FGF14: variants seen among roughly 807,000 people sequenced by gnomAD.
The protein encoded by FGF14 is fibroblast growth factor 14, also known as fibroblast growth factor homologous factor 4.
In FGF14, 5 loss-of-function variants were observed where a neutral mutation model predicts 25.5. That is an observed-to-expected ratio of 0.20 (90% CI 0.10 to 0.41). The LOEUF (loss-of-function observed/expected upper bound fraction) is 0.41, where lower values mean the gene tolerates loss of function less well. Ranked by LOEUF, FGF14 falls within the 10% of genes least tolerant of loss-of-function variation. FGF14 has a pLI of 1.00. For missense variants in FGF14, 222 were observed against 320.1 expected, an observed-to-expected ratio of 0.69 and a Z score of 2.34; for synonymous variants, 138 against 118.3, an observed-to-expected ratio of 1.17 and a Z score of -1.08.
intron 1 of FGF14, among the ~76,000 whole-genome samples, chr13:102,236,280 G>C (rs1187825268): frequency 6.6e-6 from 1 of 152,148 alleles, no homozygotes; most frequent in Non-Finnish European, 1.5e-5. Context: ...TTGGGGTCTG[G>C]ATCAGGACCC....
At chr13:102,396,872 C>G (rs1206529169) in intron 1 of FGF14, among the ~76,000 whole-genome samples, 1 of 152,232 alleles carries the variant, frequency 6.6e-6, no homozygotes, top group Non-Finnish European at 1.5e-5. Context: ...TGGAGTGGCA[C>G]TGCTCTACAA....
intron 3 of FGF14, among the ~76,000 whole-genome samples, chr13:101,759,063 G>A (rs748476615): frequency 5.9e-5 from 9 of 152,178 alleles, no homozygotes; most frequent in Non-Finnish European, 1.2e-4. Flanking sequence ...TGAGTCAAGT[G>A]CAGAACAGAG....
At chr13:102,187,100 T>C (rs887770842) in intron 1 of FGF14, among the ~76,000 whole-genome samples, 2 of 152,200 alleles carry the variant, frequency 1.3e-5, no homozygotes, top group African/African-American at 2.4e-5. Flanking sequence ...CGGTTACATA[T>C]GGAGGACAAA....
intron 3 of FGF14, among the ~76,000 whole-genome samples, chr13:101,778,619 T>C (rs1291541719): frequency 6.6e-6 from 1 of 152,070 alleles, no homozygotes; most frequent in Non-Finnish European, 1.5e-5. Context: ...GGTCAAATGT[T>C]TGTCATTCTC....
chr13:102,308,814 A>G (rs1201595890), intron 1 of FGF14, among the ~76,000 whole-genome samples: 1 of 151,200 alleles, frequency 6.6e-6, no homozygotes, highest in African/African-American at 2.4e-5. Flanking sequence ...AAACAATAAG[A>G]CTGGAGTGGG....
Position 101,712,563 on chromosome 13 carries a change from TG to T in FGF14, c.*10267del, listed in dbSNP as rs977880109. The T allele has an allele frequency of 2.6e-5, 4 of 152,178 alleles. No individual in the cohort carries two copies. The highest frequency in any genetic ancestry group is 9.7e-5 in the African/African-American group (4 of 41,448). The allele number at this position is 152,178 out of a possible 1,614,324, so 9.4% of individuals were successfully genotyped here. On this transcript the variant is annotated 3_prime_UTR_variant, in exon 5 of 5. Transcript: ENST00000376143. ...ATCCTGGGTGTATATATGAATATTA[TG>T]GGCATATAAAATCAGCACTACTTTA...
intron 1 of FGF14, among the ~76,000 whole-genome samples, chr13:102,249,227 C>T (rs2052038118): frequency 6.6e-6 from 1 of 152,148 alleles, no homozygotes; most frequent in Non-Finnish European, 1.5e-5. Flanking sequence ...ATCCCTGTTA[C>T]TCCCTTACTT....
At chr13:101,773,292 G>A (rs1393746115) in intron 3 of FGF14, among the ~76,000 whole-genome samples, 1 of 152,136 alleles carries the variant, frequency 6.6e-6, no homozygotes. Flanking sequence ...TCACAGATGA[G>A]TAATCAGTTG....
intron 1 of FGF14, among the ~76,000 whole-genome samples, chr13:102,054,085 C>T (rs1314110974): frequency 6.6e-6 from 1 of 152,126 alleles, no homozygotes; most frequent in Non-Finnish European, 1.5e-5. Context: ...GATTTTGCAG[C>T]ATCCTTAGGA....
intron 1 of FGF14, among the ~76,000 whole-genome samples, chr13:101,988,329 G>A (rs972599061): frequency 1.3e-5 from 2 of 151,864 alleles, no homozygotes; most frequent in Non-Finnish European, 2.9e-5. Flanking sequence ...CAGGGAGAAG[G>A]AAAAAGGGGT....
At chr13:101,872,335 C>T (rs548421212) in intron 2 of FGF14, among the ~76,000 whole-genome samples, 1 of 150,210 alleles carries the variant, frequency 6.7e-6, no homozygotes, top group South Asian at 2.2e-4. Context: ...AACATGTTTC[C>T]ATTTTTTATA....
At chr13:102,311,354 T>C (rs2055756765) in intron 1 of FGF14, among the ~76,000 whole-genome samples, 1 of 152,158 alleles carries the variant, frequency 6.6e-6, no homozygotes, top group South Asian at 2.1e-4. Context: ...TTGAAGAAAA[T>C]ATCTTTTCTA....
intron 1 of FGF14, among the ~76,000 whole-genome samples, chr13:101,922,325 T>G (rs2139176407): frequency 6.6e-6 from 1 of 152,300 alleles, no homozygotes; most frequent in South Asian, 2.1e-4. Context: ...TACTTTAGCC[T>G]TTGCTTGATG....
At position 101,952,401 on chromosome 13, in the gene FGF14, C is replaced by T. The variant is rs147962969; in HGVS notation, c.209-77105G>A. 3.4e-4 allele frequency among the ~76,000 whole-genome samples: 47 copies of T among 140,238 alleles called. No homozygotes were observed. In the East Asian group the frequency reaches 5.5e-3, roughly 16 times the overall value. 92.0% of individuals were successfully genotyped at this position (140,238 alleles called of 152,430 possible). ...CTGTCTTCATAACTGCTTCTTTGTC[C>T]GTTTTTGGCTACTTTTTTTTTTTTC... On this transcript the variant is annotated intron_variant, in intron 1 of 4. Coordinates refer to the FGF14 transcript ENST00000376131.
rs151201549 is a variant in FGF14 at position 102,350,870 on chromosome 13, G to A, written c.208+50601C>T. Reference sequence around the variant, plus strand: ...TCTCCTGCAAGCTTTCTACATAAGCGTGGTCACTGGACACGGCCTCCCTCT... The same window carrying A: ...TCTCCTGCAAGCTTTCTACATAAGCATGGTCACTGGACACGGCCTCCCTCT... On this transcript the variant is annotated intron_variant, in intron 1 of 4. Transcript: ENST00000376131. Among the ~76,000 whole-genome samples, 861 of 152,266 alleles carry A rather than the reference G, an allele frequency of 5.7e-3. 11 individuals are homozygous for A. Among genetic ancestry groups the A allele is most frequent in the African/African-American group, 0.02 (826 of 41,536 alleles).
At chr13:102,365,423 G>C (rs930020945) in intron 1 of FGF14, among the ~76,000 whole-genome samples, 1 of 152,062 alleles carries the variant, frequency 6.6e-6, no homozygotes, top group Non-Finnish European at 1.5e-5. Flanking sequence ...TCTTTGAGCC[G>C]GTTTCTTCAT....
chr13:102,005,047 C>T (rs1170831803), intron 1 of FGF14, among the ~76,000 whole-genome samples: 1 of 152,178 alleles, frequency 6.6e-6, no homozygotes, highest in Non-Finnish European at 1.5e-5. Context: ...TATGTGGAGG[C>T]ATCAATTCCT....
At chr13:101,788,016 C>T (rs753655525) in intron 3 of FGF14, among the ~76,000 whole-genome samples, 3 of 152,094 alleles carry the variant, frequency 2.0e-5, no homozygotes, top group Non-Finnish European at 4.4e-5. Context: ...GGATTACAGG[C>T]TTGTGGCACT....
At chr13:101,882,263 G>A (rs1276746501) in intron 1 of FGF14, among the ~76,000 whole-genome samples, 5 of 151,972 alleles carry the variant, frequency 3.3e-5, no homozygotes, top group Non-Finnish European at 7.4e-5. Context: ...TAAACCTATA[G>A]CAGACCGTAT....
Sources: gnomAD v4.1 joint callset for allele counts (sites outside exome capture counted in the v4.1 genomes callset) on GRCh38, gnomAD v4.1.1 for gene constraint, MANE v1.5 for transcripts, NCBI Gene and HGNC (gene_info 2026-07-23, HGNC 2026-07-21) for gene names.